HNF4G: variants seen among roughly 807,000 people sequenced by gnomAD.
HNF4G encodes the protein hepatocyte nuclear factor 4 gamma.
Under a neutral mutation model 50.9 loss-of-function variants are expected in HNF4G, and 21 were observed. The ratio of observed to expected loss-of-function variants is 0.41; its 90% confidence interval spans 0.29 to 0.59. The LOEUF is 0.59. Ranked by LOEUF, HNF4G falls within the 20% of genes least tolerant of loss-of-function variation. The pLI is 0.26. For synonymous variants in HNF4G, 198 were observed against 185.6 expected, an observed-to-expected ratio of 1.07 and a Z score of -0.54; for missense variants, 527 against 559.4, an observed-to-expected ratio of 0.94 and a Z score of 0.58.
chr8:75,551,994 A>G (rs1255319222), intron 4 of HNF4G, among the ~76,000 whole-genome samples: 1 of 152,220 alleles, frequency 6.6e-6, no homozygotes, highest in Admixed American at 6.5e-5. Flanking sequence ...TAAATTTCTC[A>G]AATAACAGTT....
At chr8:75,508,563 G>A (rs182191218) in intron 2 of HNF4G, among the ~76,000 whole-genome samples, 12 of 152,126 alleles carry the variant, frequency 7.9e-5, no homozygotes, top group African/African-American at 2.6e-4. Flanking sequence ...CGTTTTTTCA[G>A]CTAGTAGGTA....
At chr8:75,463,596 A>ATT (rs963496680) in intron 1 of HNF4G, among the ~76,000 whole-genome samples, 1 of 146,800 alleles carries the variant, frequency 6.8e-6, no homozygotes, top group Non-Finnish European at 1.5e-5. Context: ...GTAAGCATTC[A>ATT]TTTTTTTTTT....
chr8:75,454,025 T>TTC (rs58676228), intron 1 of HNF4G, among the ~76,000 whole-genome samples: 23,783 of 133,656 alleles, frequency 0.18, 2,177 homozygotes, highest in African/African-American at 0.24. Flanking sequence ...AAGAAGAAAT[T>TTC]TCTCTCTCTC....
At chr8:75,437,688 A>G (rs1811171203) in intron 1 of HNF4G, among the ~76,000 whole-genome samples, 1 of 152,090 alleles carries the variant, frequency 6.6e-6, no homozygotes, top group Non-Finnish European at 1.5e-5. Flanking sequence ...AAATAATAAT[A>G]AAAATAAAAT....
At chr8:75,460,846 A>G (rs932848611) in intron 1 of HNF4G, among the ~76,000 whole-genome samples, 4 of 152,196 alleles carry the variant, frequency 2.6e-5, no homozygotes, top group African/African-American at 9.6e-5. Flanking sequence ...TGTTATGAAG[A>G]ATTGCTGGCT....
chr8:75,493,579 T>C (rs2926579), intron 2 of HNF4G, among the ~76,000 whole-genome samples: 6,122 of 152,286 alleles, frequency 0.04, 158 homozygotes, highest in Middle Eastern at 0.068. Flanking sequence ...TTAAGTTTAG[T>C]ATGAAAATTT....
At chr8:75,483,117 C>G (rs1279833076) in intron 1 of HNF4G, among the ~76,000 whole-genome samples, 1 of 151,936 alleles carries the variant, frequency 6.6e-6, no homozygotes, top group African/African-American at 2.4e-5. Context: ...TATAACAAAA[C>G]AATAGCTCTT....
chr8:75,455,018 A>G (rs1811685762), intron 1 of HNF4G, among the ~76,000 whole-genome samples: 1 of 152,216 alleles, frequency 6.6e-6, no homozygotes, highest in Non-Finnish European at 1.5e-5. Context: ...AAAAATTAAG[A>G]TAAAGGTTTT....
At chr8:75,513,639 T>C (rs1805812821) in intron 2 of HNF4G, among the ~76,000 whole-genome samples, 1 of 152,114 alleles carries the variant, frequency 6.6e-6, no homozygotes, top group African/African-American at 2.4e-5. Context: ...CTATTTTATA[T>C]CTATTGTGTT....
intron 9 of HNF4G, among the ~76,000 whole-genome samples, chr8:75,562,429 G>C (rs540906030): frequency 1.4e-4 from 22 of 152,228 alleles, no homozygotes; most frequent in African/African-American, 5.1e-4. Flanking sequence ...GACCATCCTT[G>C]CAGAATAGAT....
At chr8:75,467,877 A>T (rs1391801767) in intron 1 of HNF4G, among the ~76,000 whole-genome samples, 1 of 152,136 alleles carries the variant, frequency 6.6e-6, no homozygotes, top group Non-Finnish European at 1.5e-5. Context: ...CTGAGTTGCT[A>T]GGACGGACTT....
At chr8:75,490,040 C>G (rs1812586479) in intron 1 of HNF4G, 1 of 152,484 alleles carries the variant, frequency 6.6e-6, no homozygotes, top group Non-Finnish European at 1.5e-5. Context: ...ATCATTTAAT[C>G]TATGCAGCAT....
intron 1 of HNF4G, among the ~76,000 whole-genome samples, chr8:75,432,207 T>C (rs1221775241): frequency 1.3e-5 from 2 of 151,642 alleles, no homozygotes; most frequent in Non-Finnish European, 2.9e-5. Flanking sequence ...TAAACCATGA[T>C]TGTACCACCG....
chr8:75,444,306 A>T (rs1485834961), intron 1 of HNF4G, among the ~76,000 whole-genome samples: 1 of 151,716 alleles, frequency 6.6e-6, no homozygotes, highest in Admixed American at 6.6e-5. Flanking sequence ...AACAACCGGT[A>T]CCAGCCGCTG....
In HNF4G at chr8:75,418,791, G is replaced by T. The variant is rs183554647; in HGVS notation, c.-144+10629G>T. On this transcript the variant is annotated intron_variant, in intron 1 of 10. Coordinates refer to the HNF4G transcript ENST00000354370. The stretch of plus-strand genomic sequence containing the variant: ...TGCCCAGGCTGGAGTGCAATGGCAC[G>T]ATCTCAGCTCACCGCAACCTCCGCC... Among the ~76,000 whole-genome samples, 550 of 139,678 alleles carry T rather than the reference G, an allele frequency of 3.9e-3. 5 individuals carry two copies. The highest frequency in any genetic ancestry group is 0.014 in the African/African-American group (508 of 36,786). The allele number at this position is 139,678 out of a possible 152,430, so 91.6% of individuals were successfully genotyped here. A position where few individuals can be genotyped will look rare whatever the true frequency, so the allele number is the denominator to read the frequency against.
At chr8:75,484,273 A>C (rs1355593151) in intron 1 of HNF4G, among the ~76,000 whole-genome samples, 1 of 152,256 alleles carries the variant, frequency 6.6e-6, no homozygotes, top group Non-Finnish European at 1.5e-5. Context: ...AGCAATAAAC[A>C]GTCATTACGA....
chr8:75,554,999 G>A (rs1021935659), intron 5 of HNF4G, among the ~76,000 whole-genome samples: 2 of 152,164 alleles, frequency 1.3e-5, no homozygotes, highest in African/African-American at 4.8e-5. Flanking sequence ...AAGGGGTGTT[G>A]CAAGATGAAG....
intron 1 of HNF4G, among the ~76,000 whole-genome samples, chr8:75,435,346 T>A (rs896042014): frequency 1.3e-5 from 2 of 152,360 alleles, no homozygotes; most frequent in South Asian, 4.1e-4. Context: ...ATAAAATTAA[T>A]GTCAATTCGT....
At chr8:75,409,782 C>T (rs898820106) in intron 1 of HNF4G, among the ~76,000 whole-genome samples, 8 of 152,016 alleles carry the variant, frequency 5.3e-5, no homozygotes, top group East Asian at 1.9e-4. Context: ...CCACCCCACC[C>T]GGCCTGTTTT....
Sources: allele counts gnomAD v4.1 joint callset (sites outside exome capture counted in the v4.1 genomes callset), GRCh38; gene constraint gnomAD v4.1.1; transcripts MANE v1.5; gene names NCBI Gene and HGNC (gene_info 2026-07-23, HGNC 2026-07-21).